Variants in FSTL4 observed in about 807,000 individuals in gnomAD.
FSTL4 encodes the protein follistatin-related protein 4.
FSTL4 carries 28 observed loss-of-function variants against 78.2 expected under a neutral mutation model. That is an observed-to-expected ratio of 0.36 (90% CI 0.27 to 0.49). The LOEUF (loss-of-function observed/expected upper bound fraction) is 0.49, where lower values mean the gene tolerates loss of function less well. Ranked by LOEUF, FSTL4 falls within the 20% of genes least tolerant of loss-of-function variation. The probability of loss-of-function intolerance (pLI) is 0.98; values close to 1 mark genes in which losing one functional copy is unlikely to be tolerated. For synonymous variants in FSTL4, 422 were observed against 440.5 expected (o/e 0.96, Z 0.53); for missense variants, 922 against 1,084.9 (o/e 0.85, Z 2.11).
the FSTL4 span, among the ~76,000 whole-genome samples, chr5:133,782,792 C>T: frequency 6.6e-6 from 1 of 152,348 alleles, no homozygotes; most frequent in South Asian, 2.1e-4. Flanking sequence ...AAGTCCCTGC[C>T]TGTTTCCCTC....
intron 6 of FSTL4, among the ~76,000 whole-genome samples, chr5:133,277,083 G>A (rs1242997376): frequency 3.3e-5 from 5 of 152,156 alleles, no homozygotes; most frequent in African/African-American, 7.2e-5. Context: ...AGGCCAAGGC[G>A]GGTGGATCAC....
chr5:133,221,134 C>T, intron 11 of FSTL4: 3 of 563,502 alleles, frequency 5.3e-6, no homozygotes, highest in Non-Finnish European at 9.6e-6. Context: ...CACAGGTTTT[C>T]AGATAAAAGC....
intron 6 of FSTL4, among the ~76,000 whole-genome samples, chr5:133,295,928 CAG>C (rs1373495226): frequency 6.6e-6 from 1 of 152,212 alleles, no homozygotes. Flanking sequence ...TCATCCAACT[CAG>C]AGCTTTAAAT....
the FSTL4 span, among the ~76,000 whole-genome samples, chr5:133,626,647 G>T: frequency 6.6e-6 from 1 of 151,588 alleles, no homozygotes; most frequent in Non-Finnish European, 1.5e-5. Context: ...TTTGACCCAT[G>T]GATTATTTAG....
chr5:133,397,164 G>A (rs911390424), intron 4 of FSTL4, among the ~76,000 whole-genome samples: 4 of 152,210 alleles, frequency 2.6e-5, no homozygotes, highest in Admixed American at 2.6e-4. Context: ...AGAAAAATGA[G>A]TTTAAAAGTG....
the FSTL4 span, among the ~76,000 whole-genome samples, chr5:133,701,804 G>A: frequency 6.6e-6 from 1 of 152,176 alleles, no homozygotes; most frequent in African/African-American, 2.4e-5. Context: ...GCATGAGTGT[G>A]TGCCCCGTGC....
Position 133,203,660 on chromosome 5 carries a change from C to T in FSTL4, c.1717-1618G>A, listed in dbSNP as rs571162541. Among the ~76,000 whole-genome samples, 28 of 152,164 alleles carry T rather than the reference C, an allele frequency of 1.8e-4. 1 individual carries two copies. Among genetic ancestry groups the T allele is most frequent in the Admixed American group, 2.6e-4 (4 of 15,290 alleles). On this transcript the variant is annotated intron_variant, in intron 14 of 15. Coordinates refer to ENST00000265342, the MANE Select transcript of FSTL4 (RefSeq NM_015082.2). ...GAAGTGGGTGTTAAGAAAATATCAG[C>T]GTTAGGAAACTGGATCTTAGAGAGT... is the stretch of plus-strand genomic sequence containing the variant.
At chr5:133,639,364 T>C in the FSTL4 span, among the ~76,000 whole-genome samples, 1,132 of 152,310 alleles carry the variant, frequency 7.4e-3, 11 homozygotes, top group African/African-American at 0.026. Context: ...AGTGGGATGC[T>C]GAGATTCAGA....
intron 6 of FSTL4, among the ~76,000 whole-genome samples, chr5:133,278,407 A>T (rs934856215): frequency 2.0e-5 from 3 of 152,184 alleles, no homozygotes; most frequent in Admixed American, 1.3e-4. Context: ...CCACATGGAG[A>T]GCCCTTCCAT....
At chr5:133,763,309 C>G in the FSTL4 span, among the ~76,000 whole-genome samples, 1 of 152,210 alleles carries the variant, frequency 6.6e-6, no homozygotes, top group Non-Finnish European at 1.5e-5. Flanking sequence ...GTCTTCTCAT[C>G]TCAGCCCTTC....
At chr5:133,746,917 C>T in the FSTL4 span, among the ~76,000 whole-genome samples, 1 of 152,186 alleles carries the variant, frequency 6.6e-6, no homozygotes. Flanking sequence ...GGATATTTAT[C>T]CAGAGGGATG....
At chr5:133,326,331 T>C (rs1754210795) in intron 4 of FSTL4, among the ~76,000 whole-genome samples, 1 of 152,222 alleles carries the variant, frequency 6.6e-6, no homozygotes, top group Non-Finnish European at 1.5e-5. Flanking sequence ...TCCAAGAGAC[T>C]GTTACACACA....
At chr5:133,719,847 A>G in the FSTL4 span, among the ~76,000 whole-genome samples, 1 of 152,184 alleles carries the variant, frequency 6.6e-6, no homozygotes, top group Non-Finnish European at 1.5e-5. Context: ...TAAATTGAAG[A>G]TGGCAGTATT....
chr5:133,378,221 A>G (rs1257432298), intron 4 of FSTL4, among the ~76,000 whole-genome samples: 1 of 152,246 alleles, frequency 6.6e-6, no homozygotes, highest in Admixed American at 6.5e-5. Flanking sequence ...AAAGATAACT[A>G]TGTAATTATA....
chr5:133,488,534 G>A (rs139387055), intron 3 of FSTL4, among the ~76,000 whole-genome samples: 1,714 of 152,270 alleles, frequency 0.011, 19 homozygotes, highest in Non-Finnish European at 0.018. Flanking sequence ...GATTACAGGC[G>A]TGAGCCACTG....
the FSTL4 span, among the ~76,000 whole-genome samples, chr5:133,720,072 A>G: frequency 6.6e-6 from 1 of 152,230 alleles, no homozygotes; most frequent in East Asian, 1.9e-4. Flanking sequence ...AGATAGGTGT[A>G]TAACAGGCCT....
At chr5:133,798,627 C>T in the FSTL4 span, among the ~76,000 whole-genome samples, 2 of 152,168 alleles carry the variant, frequency 1.3e-5, no homozygotes, top group African/African-American at 4.8e-5. Context: ...AGTCAATCCT[C>T]ATGCACAGGG....
the FSTL4 span, among the ~76,000 whole-genome samples, chr5:133,618,030 C>T: frequency 2.6e-5 from 4 of 152,094 alleles, no homozygotes; most frequent in South Asian, 2.1e-4. Flanking sequence ...TCGTTATCCA[C>T]GGGGATATGT....
the FSTL4 span, among the ~76,000 whole-genome samples, chr5:133,647,368 G>T: frequency 6.6e-6 from 1 of 152,160 alleles, no homozygotes; most frequent in Non-Finnish European, 1.5e-5. Flanking sequence ...AGGATTATGA[G>T]AAAGTGGCCC....
Sources: allele counts gnomAD v4.1 joint callset (sites outside exome capture counted in the v4.1 genomes callset), GRCh38; gene constraint gnomAD v4.1.1; transcripts MANE v1.5; gene names NCBI Gene and HGNC (gene_info 2026-07-23, HGNC 2026-07-21).